RPTOR: variants seen among roughly 807,000 people sequenced by gnomAD.
RPTOR encodes the protein regulatory-associated protein of mTOR.
Under a neutral mutation model 169.9 loss-of-function variants are expected in RPTOR, and 21 were observed. The ratio of observed to expected loss-of-function variants is 0.12; its 90% CI spans 0.09 to 0.18. RPTOR has a LOEUF of 0.18. Ranked by LOEUF, RPTOR falls within the 10% of genes least tolerant of loss-of-function variation. The probability of loss-of-function intolerance (pLI) is 1.00; values close to 1 mark genes in which losing one functional copy is unlikely to be tolerated. For missense variants in RPTOR, 1,133 were observed against 1,855.9 expected, an observed-to-expected ratio of 0.61 and a Z score of 7.16; for synonymous variants, 732 against 753.2, an observed-to-expected ratio of 0.97 and a Z score of 0.46.
chr17:80,615,645 A>G (rs140625453), intron 1 of RPTOR, among the ~76,000 whole-genome samples: 17 of 152,158 alleles, frequency 1.1e-4, no homozygotes, highest in African/African-American at 3.1e-4. Context: ...GCTGTTACCT[A>G]TTCTCTTTGA....
chr17:80,579,391 C>T (rs2064995021), intron 1 of RPTOR, among the ~76,000 whole-genome samples: 2 of 152,070 alleles, frequency 1.3e-5, no homozygotes, highest in Non-Finnish European at 1.5e-5. Context: ...AGGGTTTCTC[C>T]ATGTTGGTCA....
chr17:80,675,718 G>A (rs1020156192), intron 3 of RPTOR, among the ~76,000 whole-genome samples: 2 of 152,128 alleles, frequency 1.3e-5, no homozygotes, highest in Non-Finnish European at 1.5e-5. Flanking sequence ...TCTGCTCACC[G>A]GGCTGGCCCC....
At chr17:80,660,078 C>A (rs2065710282) in intron 3 of RPTOR, among the ~76,000 whole-genome samples, 1 of 152,046 alleles carries the variant, frequency 6.6e-6, no homozygotes, top group South Asian at 2.1e-4. Context: ...CGAGACCAGT[C>A]TGGCCAACGT....
intron 5 of RPTOR, among the ~76,000 whole-genome samples, chr17:80,737,731 A>G (rs1447939975): frequency 1.3e-5 from 2 of 152,064 alleles, no homozygotes; most frequent in African/African-American, 4.8e-5. Flanking sequence ...ACATTAGAAT[A>G]TCTGCTCCCT....
intron 5 of RPTOR, among the ~76,000 whole-genome samples, chr17:80,738,868 G>C (rs1049307774): frequency 2.0e-5 from 3 of 152,136 alleles, no homozygotes; most frequent in Non-Finnish European, 4.4e-5. Context: ...CAATTGATTT[G>C]TATGAAATGT....
chr17:80,734,180 CTT>C (rs71966206), intron 5 of RPTOR, among the ~76,000 whole-genome samples: 2,064 of 152,316 alleles, frequency 0.014, 47 homozygotes, highest in African/African-American at 0.047. Context: ...GACATTTCCT[CTT>C]TTCTTCTTGA....
chr17:80,941,735 G>A (rs2069031083), intron 25 of RPTOR: 1 of 152,320 alleles, frequency 6.6e-6, no homozygotes, highest in Admixed American at 6.5e-5. Flanking sequence ...ATGACCCGTA[G>A]GACAGATGTC....
chr17:80,690,700 T>G (rs1157796119), intron 3 of RPTOR, among the ~76,000 whole-genome samples: 4 of 152,042 alleles, frequency 2.6e-5, no homozygotes, highest in African/African-American at 9.7e-5. Flanking sequence ...TGTCCTTACT[T>G]TAGGATATCT....
rs529865654 is a variant in RPTOR at position 80,957,458 on chromosome 17, G to C, written c.3371-166G>C. Among the ~76,000 whole-genome samples, 3 of 152,370 alleles carry C rather than the reference G, an allele frequency of 2.0e-5. No homozygotes were observed. The highest frequency in any genetic ancestry group is 4.8e-5 in the African/African-American group (2 of 41,588). ...CCAGCCTGGACGTGGGGCACACCAG[G>C]GTCCCTAGCGGGAGCTCATATGAGG... On this transcript the variant is annotated intron_variant, in intron 28 of 33. Transcript: ENST00000306801. This position sits in a 1 kb window ranked among gnomAD's most constrained non-coding sequence, Gnocchi z 4.6.
At chr17:80,824,473 T>G (rs1188613433) in intron 9 of RPTOR, among the ~76,000 whole-genome samples, 1 of 152,230 alleles carries the variant, frequency 6.6e-6, no homozygotes, top group Non-Finnish European at 1.5e-5. Flanking sequence ...AAATAAATAC[T>G]TAGAGCATTT....
intron 5 of RPTOR, among the ~76,000 whole-genome samples, chr17:80,744,143 T>A (rs1348929938): frequency 4.6e-5 from 3 of 64,806 alleles, no homozygotes; most frequent in African/African-American, 6.5e-5. Flanking sequence ...CTACTAGCAC[T>A]ATCCTGGTTA....
chr17:80,799,963 C>G (rs1444066753), intron 7 of RPTOR, among the ~76,000 whole-genome samples: 2 of 152,218 alleles, frequency 1.3e-5, no homozygotes, highest in African/African-American at 2.4e-5. Context: ...AGGATGTACC[C>G]TCATCCTACA....
rs375206850 is a variant in RPTOR, at chr17:80,883,768, C to T, written c.1651-13C>T. On this transcript the variant is annotated splice_polypyrimidine_tract_variant and intron_variant, in intron 15 of 33. Coordinates refer to ENST00000306801, the MANE Select transcript of RPTOR (RefSeq NM_020761.3). ...AGGCAGAGGCCAACCTGTCTGTGGTCCCGCCTCTGCAGGAAGCCTGCCTTC... is the reference window on the plus strand; with the variant it reads ...AGGCAGAGGCCAACCTGTCTGTGGTTCCGCCTCTGCAGGAAGCCTGCCTTC... 2 of 1,612,792 alleles carry T rather than the reference C, an allele frequency of 1.2e-6. No individual in the cohort carries two copies. The highest frequency in any genetic ancestry group is 1.7e-6 in the Non-Finnish European group (2 of 1,179,978).
chr17:80,554,844 A>G (rs1330611624), intron 1 of RPTOR, among the ~76,000 whole-genome samples: 1 of 152,212 alleles, frequency 6.6e-6, no homozygotes, highest in African/African-American at 2.4e-5. Context: ...ATTTGCAAAA[A>G]TCTAAAAAAA....
At chr17:80,614,051 G>C (rs1388064589) in intron 1 of RPTOR, among the ~76,000 whole-genome samples, 1 of 152,146 alleles carries the variant, frequency 6.6e-6, no homozygotes, top group Non-Finnish European at 1.5e-5. Flanking sequence ...TCATTGTCCT[G>C]TCCCTTCCTG....
At chr17:80,895,397 G>A (rs1355317843) in intron 20 of RPTOR, among the ~76,000 whole-genome samples, 1 of 152,134 alleles carries the variant, frequency 6.6e-6, no homozygotes, top group Non-Finnish European at 1.5e-5. Flanking sequence ...TTTTTCTCCT[G>A]AGGACTGTGG....
At chr17:80,674,787 C>CAAAAAAAA (rs9319608) in intron 3 of RPTOR, among the ~76,000 whole-genome samples, 26 of 89,970 alleles carry the variant, frequency 2.9e-4, no homozygotes, top group Middle Eastern at 6.7e-3. Flanking sequence ...GACTCTGTCT[C>CAAAAAAAA]AAAAAAAAAA....
In RPTOR at chr17:80,966,095, A is replaced by T. The variant is rs2069426068; in HGVS notation, c.*1765A>T. On this transcript the variant is annotated 3_prime_UTR_variant, in exon 34 of 34. Coordinates refer to ENST00000306801, the MANE Select transcript of RPTOR (RefSeq NM_020761.3). ...ACAAAATCACCACCTGTCAAAAGGC[A>T]GGTGGCTCCAGAGGGGTCAAGACCC... The T allele has an allele frequency of 4.4e-6, 1 of 228,004 alleles. No individual in the cohort carries two copies. The highest frequency in any genetic ancestry group is 8.7e-6 in the Non-Finnish European group (1 of 115,384). The allele number at this position is 228,004 out of a possible 1,614,324, so 14.1% of individuals were successfully genotyped here.
intron 20 of RPTOR, among the ~76,000 whole-genome samples, chr17:80,899,435 T>C (rs1469614955): frequency 6.6e-6 from 1 of 152,256 alleles, no homozygotes; most frequent in Non-Finnish European, 1.5e-5. Context: ...CTAGAAAATG[T>C]AAATTCATAG....
Sources: allele counts gnomAD v4.1 joint callset (sites outside exome capture counted in the v4.1 genomes callset), GRCh38; gene constraint gnomAD v4.1.1; non-coding constraint Gnocchi (gnomAD v3.1); transcripts MANE v1.5; gene names NCBI Gene and HGNC (gene_info 2026-07-23, HGNC 2026-07-21).